The following TOX3 variants were observed in gnomAD, a reference collection of about 807,000 sequenced individuals.
The protein encoded by TOX3 is TOX high mobility group box family member 3, also known as CAG trinucleotide repeat-containing gene F9 protein.
In TOX3, 22 loss-of-function variants were observed where a neutral mutation model predicts 64.3. The observed-to-expected ratio is 0.34, with a 90% CI of 0.24 to 0.49. TOX3 has a LOEUF of 0.49. Ranked by LOEUF, TOX3 falls within the 20% of genes least tolerant of loss-of-function variation. The probability of loss-of-function intolerance (pLI) is 0.99; values close to 1 mark genes in which losing one functional copy is unlikely to be tolerated. For missense variants in TOX3, 661 were observed against 714.4 expected (o/e 0.93, Z 0.85); for synonymous variants, 291 against 273.6 (o/e 1.06, Z -0.63).
chr16:52,446,296 A>G (rs1361682958), intron 4 of TOX3, 75 bp from the exon 5 acceptor site: 1 of 1,463,470 alleles, frequency 6.8e-7, no homozygotes, highest in Non-Finnish European at 9.2e-7. Context: ...TCAGATCCAT[A>G]ATTGTTCTTT....
chr16:52,523,263 T>G (rs1356353032), intron 1 of TOX3, among the ~76,000 whole-genome samples: 1 of 152,102 alleles, frequency 6.6e-6, no homozygotes, highest in African/African-American at 2.4e-5. Flanking sequence ...GGTGGGCGTG[T>G]GCCAGGGGTT....
chr16:52,441,807 A>G (rs1959998740), intron 6 of TOX3, among the ~76,000 whole-genome samples: 3 of 152,218 alleles, frequency 2.0e-5, no homozygotes, highest in Non-Finnish European at 4.4e-5. Context: ...TGTCATCATT[A>G]TAAGGCACTC....
intron 1 of TOX3, among the ~76,000 whole-genome samples, chr16:52,525,801 G>C (rs181047681): frequency 1.3e-5 from 2 of 152,262 alleles, no homozygotes; most frequent in East Asian, 3.9e-4. Flanking sequence ...ATGGAAACCT[G>C]CCTAATGAAC....
At chr16:52,489,256 A>T (rs2151455857) in intron 1 of TOX3, among the ~76,000 whole-genome samples, 1 of 152,166 alleles carries the variant, frequency 6.6e-6, no homozygotes, top group East Asian at 1.9e-4. Flanking sequence ...AGGGGAGCAA[A>T]CACTGCTGAG....
intron 1 of TOX3, among the ~76,000 whole-genome samples, chr16:52,484,803 T>A (rs1175831542): frequency 6.6e-6 from 1 of 152,120 alleles, no homozygotes; most frequent in African/African-American, 2.4e-5. Flanking sequence ...GGAATGGAAA[T>A]TAGTTCAATC....
At chr16:52,520,787 T>A (rs1221708911) in intron 1 of TOX3, among the ~76,000 whole-genome samples, 1 of 152,216 alleles carries the variant, frequency 6.6e-6, no homozygotes, top group Non-Finnish European at 1.5e-5. Context: ...CAAGTTTTGA[T>A]GCAAATGTGT....
chr16:52,493,698 G>A (rs1303147750), intron 1 of TOX3, among the ~76,000 whole-genome samples: 3 of 152,042 alleles, frequency 2.0e-5, no homozygotes, highest in Non-Finnish European at 4.4e-5. Flanking sequence ...CTAGTTTAAA[G>A]AACAAGGCTT....
intron 1 of TOX3, 82 bp from the exon 2 acceptor site, chr16:52,468,656 G>A: frequency 8.5e-7 from 1 of 1,179,504 alleles, no homozygotes. Flanking sequence ...TGCTGGTGTT[G>A]CTAAATAAAA....
intron 1 of TOX3, among the ~76,000 whole-genome samples, chr16:52,480,359 T>G (rs1961336127): frequency 6.6e-6 from 1 of 152,210 alleles, no homozygotes; most frequent in South Asian, 2.1e-4. Context: ...TGAGTTATTT[T>G]CCTTGTACTG....
intron 1 of TOX3, among the ~76,000 whole-genome samples, chr16:52,538,124 A>G (rs1000296508): frequency 2.0e-5 from 3 of 152,136 alleles, no homozygotes; most frequent in African/African-American, 7.2e-5. Context: ...GAATTTTTAA[A>G]TAAGTCAAAT....
rs756347818 is a variant in TOX3 at position 52,439,782 on chromosome 16, G to T, written c.1174C>A (p.Leu392Ile). Reference protein sequence around the residue: ...SIAPKPLTMRLPMNQIVTSVT... With the variant: ...SIAPKPLTMRIPMNQIVTSVT... ...GATGTGACAATCTGGTTCATGGGGA[G>T]TCTCATGGTTAAGGGTTTGGGAGCG... is the stretch of plus-strand genomic sequence containing the variant. Residue 392 changes from leucine to isoleucine, a missense_variant, in exon 7 of 7, where the codon CTC becomes ATC. Leu to Ile is a conservative substitution (Grantham distance 5). This residue lies in a region of TOX3 where 299 missense variants were observed against 292.1 expected (regional missense o/e 1.02). Transcript: ENST00000219746. The T allele has an allele frequency of 1.2e-6, 2 of 1,613,996 alleles. No homozygotes were observed. Among genetic ancestry groups the T allele is most frequent in the East Asian group, 4.5e-5 (2 of 44,866 alleles).
Position 52,438,955 on chromosome 16 carries a change from T to C in TOX3, c.*270A>G, listed in dbSNP as rs969133645. 1 of 612,086 alleles carries C rather than the reference T, an allele frequency of 1.6e-6. No homozygotes were observed. The highest frequency in any genetic ancestry group is 1.8e-5 in the African/African-American group (1 of 55,252). 37.9% of individuals were successfully genotyped at this position (612,086 alleles called of 1,614,324 possible). Reference sequence around the variant, plus strand: ...TCATTAAACAGTTTGATTCACATATTGTAGGTATAGCCTGAATAAATAAAA... The same window carrying C: ...TCATTAAACAGTTTGATTCACATATCGTAGGTATAGCCTGAATAAATAAAA... On this transcript the variant is annotated 3_prime_UTR_variant, in exon 7 of 7. Transcript: ENST00000219746.
chr16:52,478,595 T>G (rs1961285189), intron 1 of TOX3, among the ~76,000 whole-genome samples: 1 of 152,238 alleles, frequency 6.6e-6, no homozygotes, highest in African/African-American at 2.4e-5. Flanking sequence ...AGTTCAATGC[T>G]GTTTCCTTGG....
At chr16:52,458,441 C>T (rs115674281) in intron 3 of TOX3, among the ~76,000 whole-genome samples, 1 of 152,138 alleles carries the variant, frequency 6.6e-6, no homozygotes, top group African/African-American at 2.4e-5. Flanking sequence ...GCCATCATGT[C>T]AGTCTTATGT....
chr16:52,469,378 A>C (rs1596799872), intron 1 of TOX3, among the ~76,000 whole-genome samples: 1 of 152,348 alleles, frequency 6.6e-6, no homozygotes, highest in South Asian at 2.1e-4. Flanking sequence ...TTTCAGGTTC[A>C]AATGGTCTAA....
At chr16:52,464,237 T>C in intron 2 of TOX3, 49 bp from the exon 3 acceptor site, 1 of 1,391,016 alleles carries the variant, frequency 7.2e-7, no homozygotes, top group Non-Finnish European at 9.4e-7. Context: ...TCCTATATCT[T>C]ATTCCTCCGG....
chr16:52,454,117 GC>G (rs2060134999), intron 3 of TOX3, among the ~76,000 whole-genome samples: 1 of 152,066 alleles, frequency 6.6e-6, no homozygotes, highest in African/African-American at 2.4e-5. Context: ...CACGGTAGAG[GC>G]ATGTCCCGGC....
chr16:52,447,553 C>T (rs1247316277), intron 4 of TOX3, among the ~76,000 whole-genome samples: 1 of 152,176 alleles, frequency 6.6e-6, no homozygotes, highest in Non-Finnish European at 1.5e-5. Flanking sequence ...TAAGTGATAA[C>T]AGCATCCACA....
chr16:52,483,528 G>A (rs907063124), intron 1 of TOX3, among the ~76,000 whole-genome samples: 1 of 149,422 alleles, frequency 6.7e-6, no homozygotes, highest in Non-Finnish European at 1.5e-5. Flanking sequence ...TGGGTAAAAT[G>A]GTAAAGTTGC....
Sources: allele counts gnomAD v4.1 joint callset (sites outside exome capture counted in the v4.1 genomes callset), GRCh38; gene constraint gnomAD v4.1.1; regional missense constraint gnomAD v4.1.1; transcripts MANE v1.5; gene names NCBI Gene and HGNC (gene_info 2026-07-23, HGNC 2026-07-21).